CCDC63: variants seen among roughly 807,000 people sequenced by gnomAD.
CCDC63 encodes coiled-coil domain-containing protein 63.
Under a neutral mutation model 63.6 loss-of-function variants are expected in CCDC63, and 54 were observed. The ratio of observed to expected loss-of-function variants is 0.85; its 90% CI spans 0.68 to 1.07. CCDC63 has a LOEUF of 1.07. CCDC63 is among the 50% of genes least tolerant of loss of function. The pLI is 0.00. For missense variants in CCDC63, 637 were observed against 689.6 expected (o/e 0.92, Z 0.86); for synonymous variants, 253 against 266.1 (o/e 0.95, Z 0.48).
intron 4 of CCDC63, among the ~76,000 whole-genome samples, chr12:110,867,183 C>G (rs2070969362): frequency 7.2e-6 from 1 of 139,772 alleles, no homozygotes; most frequent in Non-Finnish European, 1.6e-5. Context: ...GGCTGACACC[C>G]CCACCTCCCT....
At chr12:110,871,885 C>T (rs2071073359) in intron 4 of CCDC63, among the ~76,000 whole-genome samples, 1 of 152,162 alleles carries the variant, frequency 6.6e-6, no homozygotes, top group Non-Finnish European at 1.5e-5. Flanking sequence ...AGGATATGCA[C>T]TTTATAACTG....
At chr12:110,896,179 C>T (rs139265947) in intron 9 of CCDC63, among the ~76,000 whole-genome samples, 2,654 of 152,186 alleles carry the variant, frequency 0.017, 40 homozygotes, top group Non-Finnish European at 0.029. Flanking sequence ...CTTGCTCTGT[C>T]GCCCAGGCTG....
intron 2 of CCDC63, 144 bp downstream of exon 2, chr12:110,853,107 C>T (rs940633135): frequency 1.1e-6 from 1 of 920,754 alleles, no homozygotes; most frequent in Non-Finnish European, 1.7e-6. Context: ...GGCTCAGAGA[C>T]ATCCAGTGAC....
chr12:110,896,197 G>A (rs1194241835), intron 9 of CCDC63, among the ~76,000 whole-genome samples: 1 of 152,114 alleles, frequency 6.6e-6, no homozygotes, highest in Non-Finnish European at 1.5e-5. Context: ...CTGGAGTGCA[G>A]TGGTGGGATC....
In CCDC63 at chr12:110,874,019, A is replaced by G. The variant is rs896170559; in HGVS notation, c.489+58A>G. ...AGCTCTGCCCACGTTTGCTCAGAAC[A>G]AAAATGATGTCTGCCCAGCCATTAG... On this transcript the variant is annotated intron_variant, in intron 5 of 11. Coordinates refer to ENST00000308208, the MANE Select transcript of CCDC63 (RefSeq NM_152591.3). 1.9e-6 allele frequency: 3 copies of G among 1,560,788 alleles called. No individual in the cohort carries two copies. The African/African-American group carries it at 4.2e-5, about 22-fold the overall frequency.
chr12:110,857,189 C>T (rs998327629), intron 3 of CCDC63, among the ~76,000 whole-genome samples: 3 of 151,568 alleles, frequency 2.0e-5, no homozygotes, highest in Admixed American at 6.6e-5. Flanking sequence ...TGCAGTGGCG[C>T]GATCGCAACT....
At position 110,907,312 on chromosome 12, in the gene CCDC63, A is replaced by G; in HGVS notation, c.1547-19A>G. ...GGGTTGATTTCCCAGCACCTCACAC[A>G]AATCTGATCTTGGTGCAGTGGAACA... On this transcript the variant is annotated intron_variant, in intron 11 of 11. Transcript: ENST00000308208. This position sits in a 1 kb window ranked among gnomAD's most constrained non-coding sequence, Gnocchi z 4.4. The G allele has an allele frequency of 6.2e-7, 1 of 1,610,306 alleles. No individual in the cohort carries two copies. Among genetic ancestry groups the G allele is most frequent in the Non-Finnish European group, 8.5e-7 (1 of 1,178,246 alleles).
intron 4 of CCDC63, among the ~76,000 whole-genome samples, chr12:110,872,600 G>A (rs2071081153): frequency 6.6e-6 from 1 of 152,166 alleles, no homozygotes; most frequent in Admixed American, 6.6e-5. Flanking sequence ...AAAATTCTGT[G>A]TGTGTACATA....
chr12:110,879,064 C>A (rs1228212094), intron 5 of CCDC63, among the ~76,000 whole-genome samples: 1 of 152,154 alleles, frequency 6.6e-6, no homozygotes, highest in Non-Finnish European at 1.5e-5. Context: ...CATTTCACCC[C>A]TAAATACTTC....
At chr12:110,864,926 T>G (rs1464871656) in intron 4 of CCDC63, among the ~76,000 whole-genome samples, 1 of 152,132 alleles carries the variant, frequency 6.6e-6, no homozygotes, top group Non-Finnish European at 1.5e-5. Flanking sequence ...GTGTTATCCT[T>G]TGGCTGGGGC....
intron 1 of CCDC63, among the ~76,000 whole-genome samples, chr12:110,850,608 G>T (rs1320501250): frequency 6.6e-6 from 1 of 152,176 alleles, no homozygotes; most frequent in Admixed American, 6.5e-5. Flanking sequence ...GGGCATGGTG[G>T]TGCATGCCTG....
intron 8 of CCDC63, among the ~76,000 whole-genome samples, chr12:110,892,637 G>A (rs1323407457): frequency 6.6e-6 from 1 of 152,028 alleles, no homozygotes; most frequent in Non-Finnish European, 1.5e-5. Context: ...GACCAATATG[G>A]TGAAGCCCCC....
intron 4 of CCDC63, among the ~76,000 whole-genome samples, chr12:110,861,061 C>T (rs1031738076): frequency 6.6e-5 from 10 of 151,958 alleles, no homozygotes; most frequent in Admixed American, 1.3e-4. Flanking sequence ...AAGAGAGAGA[C>T]GGGGGAGGCG....
intron 1 of CCDC63, among the ~76,000 whole-genome samples, chr12:110,848,886 A>G (rs1262192867): frequency 1.3e-5 from 2 of 152,184 alleles, no homozygotes; most frequent in Admixed American, 1.3e-4. Context: ...ACAATATGAA[A>G]TTGGAGCTGC....
intron 9 of CCDC63, among the ~76,000 whole-genome samples, chr12:110,898,450 CA>C (rs758242458): frequency 0.12 from 10,411 of 88,568 alleles, 450 homozygotes; most frequent in East Asian, 0.28. Flanking sequence ...ACTAAAAATA[CA>C]AAAAAAAAAA....
rs557831842 is a variant in CCDC63 at position 110,889,702 on chromosome 12, G to T, written c.1075-3374G>T. Among the ~76,000 whole-genome samples, 26 of 152,280 alleles carry T rather than the reference G, an allele frequency of 1.7e-4. No homozygotes were observed. Among genetic ancestry groups the T allele is most frequent in the African/African-American group, 6.0e-4 (25 of 41,554 alleles). ...AGGGGCCATGGGAGATCTCCGAGCAGGGGAGCGGTGCCATCGACTCAGGTT... is the reference window on the plus strand; with the variant it reads ...AGGGGCCATGGGAGATCTCCGAGCATGGGAGCGGTGCCATCGACTCAGGTT... On this transcript the variant is annotated intron_variant, in intron 8 of 11. Coordinates refer to ENST00000308208, the MANE Select transcript of CCDC63 (RefSeq NM_152591.3). This position sits in a 1 kb window ranked among gnomAD's most constrained non-coding sequence, Gnocchi z 4.1.
rs971639523 is a variant in CCDC63, at chr12:110,904,689, A to G, written c.1444A>G (p.Asn482Asp). ...AEAEIPPPFINPFWGGSALLK... is the reference protein window; with the variant it reads ...AEAEIPPPFIDPFWGGSALLK... ...GGCTGAGATCCCGCCACCCTTCATC[A>G]ACCCTTTCTGGGGTGGCTCTGCCCT... Residue 482 changes from asparagine (N) to aspartate (D), a missense_variant, in exon 11 of 12, where the codon AAC (asparagine) becomes GAC (aspartate). Coordinates refer to ENST00000308208, the MANE Select transcript of CCDC63 (RefSeq NM_152591.3). 6.2e-7 allele frequency: 1 copy of G among 1,613,996 alleles called. No homozygotes were observed.
chr12:110,880,173 C>G, intron 6 of CCDC63, 86 bp downstream of exon 6: 3 of 1,179,446 alleles, frequency 2.5e-6, no homozygotes, highest in Non-Finnish European at 3.7e-6. Flanking sequence ...ACCACTGTCC[C>G]TGGTCGTTAT....
chr12:110,867,837 C>T (rs1381851076), intron 4 of CCDC63, among the ~76,000 whole-genome samples: 10 of 151,640 alleles, frequency 6.6e-5, no homozygotes, highest in African/African-American at 1.2e-4. Flanking sequence ...CGGGCAGAGG[C>T]GCCCCTCACC....
Sources: gnomAD v4.1 joint callset for allele counts (sites outside exome capture counted in the v4.1 genomes callset) on GRCh38, gnomAD v4.1.1 for gene constraint, Gnocchi (gnomAD v3.1) non-coding constraint, MANE v1.5 for transcripts, NCBI Gene and HGNC (gene_info 2026-07-23, HGNC 2026-07-21) for gene names.